PRKCH: variants seen among roughly 807,000 people sequenced by gnomAD.
PRKCH encodes the protein protein kinase C eta, also known as protein kinase C eta type.
A neutral mutation model predicts 82.5 loss-of-function variants in PRKCH; 28 were observed. The ratio of observed to expected loss-of-function variants is 0.34; its 90% CI spans 0.25 to 0.47. The LOEUF (loss-of-function observed/expected upper bound fraction) is 0.47, where lower values mean the gene tolerates loss of function less well. PRKCH is among the 20% of genes least tolerant of loss of function. The pLI, the probability that PRKCH is intolerant of heterozygous loss-of-function variation, is 1.00. For synonymous variants in PRKCH, 322 were observed against 327.4 expected, an observed-to-expected ratio of 0.98 and a Z score of 0.18; for missense variants, 705 against 881.8, an observed-to-expected ratio of 0.80 and a Z score of 2.54.
chr14:61,382,475 T>C (rs367697781), intron 1 of PRKCH, among the ~76,000 whole-genome samples: 5 of 152,126 alleles, frequency 3.3e-5, no homozygotes, highest in South Asian at 4.2e-4. Context: ...GAAAAACCAA[T>C]ACAATCTCAT....
intron 1 of PRKCH, among the ~76,000 whole-genome samples, chr14:61,276,980 T>G (rs959281432): frequency 3.3e-5 from 5 of 151,980 alleles, no homozygotes; most frequent in Non-Finnish European, 5.9e-5. Context: ...GGTCAGAAGG[T>G]CAAGACCAGC....
At position 61,280,867 on chromosome 14, in the gene PRKCH, C is replaced by G; in HGVS notation, c.-19+93199C>G. On this transcript the variant is annotated intron_variant, in intron 1 of 3. Transcript: ENST00000555185. The surrounding 1 kb of genome is among the most constrained non-coding windows in gnomAD (Gnocchi z 5.0). ...CTCGGGCAGCGAGAAGTACCAGGCGCACGAGCAGGGGGGCGGCAGCGCCCG... is the reference window on the plus strand; with the variant it reads ...CTCGGGCAGCGAGAAGTACCAGGCGGACGAGCAGGGGGGCGGCAGCGCCCG... The G allele has an allele frequency of 6.4e-7, 1 of 1,567,640 alleles. No homozygotes were observed. Among genetic ancestry groups the G allele is most frequent in the Non-Finnish European group, 8.6e-7 (1 of 1,164,866 alleles).
chr14:61,505,428 G>A (rs1474368655), intron 10 of PRKCH, among the ~76,000 whole-genome samples: 1 of 94,194 alleles, frequency 1.1e-5, no homozygotes, highest in Non-Finnish European at 1.9e-5. Flanking sequence ...TTTTTTTGAG[G>A]TGGAGTCTTG....
At chr14:61,323,165 T>C (rs1460084381) in intron 1 of PRKCH, among the ~76,000 whole-genome samples, 2 of 152,166 alleles carry the variant, frequency 1.3e-5, no homozygotes, top group African/African-American at 4.8e-5. Flanking sequence ...CTCAGGAGGT[T>C]GTTAACTGTC....
intron 10 of PRKCH, among the ~76,000 whole-genome samples, chr14:61,507,957 G>A (rs969135092): frequency 2.6e-5 from 4 of 151,932 alleles, no homozygotes; most frequent in African/African-American, 9.7e-5. Flanking sequence ...ACACAAAGGA[G>A]GCAGGAGGAA....
chr14:61,536,293 A>G (rs968120495), intron 12 of PRKCH, among the ~76,000 whole-genome samples: 125 of 152,208 alleles, frequency 8.2e-4, no homozygotes, highest in Admixed American at 8.0e-3. Context: ...CCTCCAGGGT[A>G]GTAATGAAGG....
At chr14:61,528,375 G>A (rs535148322) in intron 10 of PRKCH, among the ~76,000 whole-genome samples, 13 of 151,976 alleles carry the variant, frequency 8.6e-5, no homozygotes, top group Middle Eastern at 3.4e-3. Context: ...TGTATTTTTC[G>A]TAGGTTGGGA....
At chr14:61,327,958 G>C (rs940248006) in intron 1 of PRKCH, among the ~76,000 whole-genome samples, 5 of 152,184 alleles carry the variant, frequency 3.3e-5, no homozygotes, top group Non-Finnish European at 5.9e-5. Flanking sequence ...GTGCTTGAAA[G>C]ACTGGGCCTG....
chr14:61,263,266 G>A (rs2045066584), intron 1 of PRKCH, among the ~76,000 whole-genome samples: 1 of 152,046 alleles, frequency 6.6e-6, no homozygotes, highest in Non-Finnish European at 1.5e-5. Flanking sequence ...TACTGCTGCT[G>A]TATGAACTCA....
At chr14:61,243,306 G>A (rs1267534534) in intron 1 of PRKCH, among the ~76,000 whole-genome samples, 1 of 151,106 alleles carries the variant, frequency 6.6e-6, no homozygotes, top group Non-Finnish European at 1.5e-5. Context: ...GCTGAGGTAG[G>A]GGAGTTGCTT....
intron 9 of PRKCH, among the ~76,000 whole-genome samples, chr14:61,484,663 G>T (rs1238206202): frequency 6.6e-6 from 1 of 151,876 alleles, no homozygotes; most frequent in African/African-American, 2.4e-5. Flanking sequence ...GGGGGAGATG[G>T]CATCTCGCTC....
At chr14:61,365,138 A>G (rs1307285704) in intron 1 of PRKCH, among the ~76,000 whole-genome samples, 1 of 152,092 alleles carries the variant, frequency 6.6e-6, no homozygotes, top group African/African-American at 2.4e-5. Flanking sequence ...TTCACACTGA[A>G]TTATAGCATT....
intron 9 of PRKCH, among the ~76,000 whole-genome samples, chr14:61,483,567 A>C (rs542393449): frequency 1.3e-5 from 2 of 152,236 alleles, no homozygotes; most frequent in South Asian, 4.1e-4. Context: ...TCTTCTAATT[A>C]AGGCGTTAGT....
intron 1 of PRKCH, among the ~76,000 whole-genome samples, chr14:61,266,420 AAAAT>A (rs10630046): frequency 1.9e-4 from 29 of 152,016 alleles, no homozygotes; most frequent in Middle Eastern, 3.4e-3. Context: ...TCCATCTCCA[AAAAT>A]AAATAAATAA....
At chr14:61,502,791 T>C (rs1566917120) in intron 10 of PRKCH, among the ~76,000 whole-genome samples, 2 of 152,124 alleles carry the variant, frequency 1.3e-5, no homozygotes, top group African/African-American at 2.4e-5. Flanking sequence ...ATTCAGTCTT[T>C]AATCCAAGCA....
At chr14:61,325,849 A>T (rs1328401805) in intron 1 of PRKCH, among the ~76,000 whole-genome samples, 1 of 152,228 alleles carries the variant, frequency 6.6e-6, no homozygotes, top group Non-Finnish European at 1.5e-5. Context: ...CAAATAGCAC[A>T]TTAAAAGATG....
chr14:61,367,423 C>T (rs1348375862), intron 1 of PRKCH, among the ~76,000 whole-genome samples: 1 of 151,232 alleles, frequency 6.6e-6, no homozygotes, highest in Non-Finnish European at 1.5e-5. Context: ...CCGAGGTCAC[C>T]GTGGATGAGG....
At chr14:61,436,138 G>C (rs980987007) in intron 2 of PRKCH, among the ~76,000 whole-genome samples, 6 of 152,198 alleles carry the variant, frequency 3.9e-5, no homozygotes, top group African/African-American at 1.4e-4. Context: ...CACATGCAAC[G>C]TTCTGTTCTA....
intron 1 of PRKCH, among the ~76,000 whole-genome samples, chr14:61,240,712 G>A (rs2044829731): frequency 1.3e-5 from 2 of 150,326 alleles, no homozygotes; most frequent in Non-Finnish European, 2.9e-5. Flanking sequence ...TTAATAGGTG[G>A]CCATATGGTC....
Sources: allele counts gnomAD v4.1 joint callset (sites outside exome capture counted in the v4.1 genomes callset), GRCh38; gene constraint gnomAD v4.1.1; non-coding constraint Gnocchi (gnomAD v3.1); transcripts MANE v1.5; gene names NCBI Gene and HGNC (gene_info 2026-07-23, HGNC 2026-07-21).